Variants in LRP1B observed in about 807,000 individuals in gnomAD.
LRP1B encodes low-density lipoprotein receptor-related protein 1B.
In LRP1B, 217 loss-of-function variants were observed where a neutral mutation model predicts 556.6. That is an observed-to-expected ratio of 0.39 (90% CI 0.35 to 0.44). The LOEUF is 0.44. Ranked by LOEUF, LRP1B falls within the 20% of genes least tolerant of loss-of-function variation. LRP1B has a pLI of 1.00. For synonymous variants in LRP1B, 2,047 were observed against 1,865.8 expected, an observed-to-expected ratio of 1.10 and a Z score of -2.50; for missense variants, 5,053 against 5,620.8, an observed-to-expected ratio of 0.90 and a Z score of 3.23.
intron 7 of LRP1B, among the ~76,000 whole-genome samples, chr2:141,073,755 C>T (rs371900473): frequency 3.3e-5 from 5 of 152,188 alleles, no homozygotes; most frequent in Middle Eastern, 3.4e-3. Context: ...ATTCCAGAAA[C>T]GAAGGCATTC....
At chr2:140,776,057 A>G in intron 33 of LRP1B, 41 bp downstream of exon 33, 1 of 1,449,110 alleles carries the variant, frequency 6.9e-7, no homozygotes, top group East Asian at 2.6e-5. Context: ...AGAGCACATT[A>G]CGTATTCAAG....
At position 141,775,907 on chromosome 2, in the gene LRP1B, A is replaced by T. The variant is rs1476059122; in HGVS notation, c.205+34372T>A. ...ACCCAGGCTGGAGTGCAGTGGCGCA[A>T]TCTTGGCTCACTGCAAGCTCCGCCT... is the stretch of plus-strand genomic sequence containing the variant. On this transcript the variant is annotated intron_variant, in intron 2 of 90. Coordinates refer to ENST00000389484, the MANE Select transcript of LRP1B (RefSeq NM_018557.3). Among the ~76,000 whole-genome samples the T allele has an allele frequency of 2.0e-5, 3 of 150,308 alleles. No homozygotes were observed. The East Asian group carries it at 5.9e-4, about 29-fold the overall frequency.
At chr2:141,328,519 C>G (rs1687515086) in intron 3 of LRP1B, among the ~76,000 whole-genome samples, 1 of 152,186 alleles carries the variant, frequency 6.6e-6, no homozygotes, top group Non-Finnish European at 1.5e-5. Flanking sequence ...CTGTGCTAGA[C>G]CCAAGATATA....
rs1028301309 is a variant in LRP1B, at chr2:140,544,710, A to G, written c.7195-2739T>C. On this transcript the variant is annotated intron_variant, in intron 43 of 90. Coordinates refer to ENST00000389484, the MANE Select transcript of LRP1B (RefSeq NM_018557.3). ...GGTATAAATACAGCACATCTTCTTT[A>G]CCCAGTCTACCATTGATGGGCATTA... Among the ~76,000 whole-genome samples the G allele has an allele frequency of 2.6e-5, 4 of 152,038 alleles. No homozygotes were observed. The East Asian group carries it at 7.7e-4, about 29-fold the overall frequency.
intron 3 of LRP1B, among the ~76,000 whole-genome samples, chr2:141,257,512 G>A (rs1450576481): frequency 6.6e-6 from 1 of 152,150 alleles, no homozygotes; most frequent in Non-Finnish European, 1.5e-5. Context: ...TGAAAAGAGG[G>A]GGTTAGTGAT....
intron 66 of LRP1B, among the ~76,000 whole-genome samples, chr2:140,414,479 T>G (rs563393308): frequency 3.9e-5 from 6 of 152,160 alleles, no homozygotes; most frequent in Non-Finnish European, 8.8e-5. Context: ...TAATAGTGAT[T>G]TACCTAATAA....
intron 35 of LRP1B, among the ~76,000 whole-genome samples, chr2:140,743,985 A>G (rs1414495593): frequency 6.7e-5 from 2 of 29,716 alleles, no homozygotes; most frequent in African/African-American, 1.5e-4. Context: ...AAAAAAAAAA[A>G]AAAAAAGTAA....
Position 141,623,176 on chromosome 2 carries a change from T to TAA in LRP1B, c.206-142645_206-142644dup, listed in dbSNP as rs5834853. Among the ~76,000 whole-genome samples, 130 of 151,730 alleles carry TAA rather than the reference T, an allele frequency of 8.6e-4. 1 individual carries two copies. Among genetic ancestry groups the TAA allele is most frequent in the African/African-American group, 3.0e-3 (125 of 41,278 alleles). ...TCTTCAAAGCTGTGATCACTTAATT[T>TAA]AAAAAAAAATCACTTTTAAAGAAAA... On this transcript the variant is annotated intron_variant, in intron 2 of 90. Coordinates refer to ENST00000389484, the MANE Select transcript of LRP1B (RefSeq NM_018557.3).
At chr2:141,773,023 T>C (rs1300323788) in intron 2 of LRP1B, among the ~76,000 whole-genome samples, 1 of 152,092 alleles carries the variant, frequency 6.6e-6, no homozygotes. Context: ...TCTAACTGGG[T>C]GGGGGTAATA....
chr2:141,288,279 G>C (rs1685801432), intron 3 of LRP1B, among the ~76,000 whole-genome samples: 1 of 148,212 alleles, frequency 6.7e-6, no homozygotes, highest in Non-Finnish European at 1.5e-5. Flanking sequence ...TGTATTTTAT[G>C]GAAACTAAAA....
intron 1 of LRP1B, among the ~76,000 whole-genome samples, chr2:142,117,843 C>T (rs1299316977): frequency 6.6e-6 from 1 of 152,152 alleles, no homozygotes; most frequent in Non-Finnish European, 1.5e-5. Context: ...ATTTACAAGT[C>T]ACCCACATCA....
intron 83 of LRP1B, 135 bp from the exon 84 acceptor site, chr2:140,298,104 G>A: frequency 1.5e-6 from 1 of 678,940 alleles, no homozygotes; most frequent in Non-Finnish European, 2.3e-6. Context: ...TGTGACTTTA[G>A]GCAGTAACAA....
chr2:140,854,060 T>TAA (rs33945219), intron 27 of LRP1B, among the ~76,000 whole-genome samples: 18 of 108,828 alleles, frequency 1.7e-4, no homozygotes, highest in African/African-American at 5.6e-4. Context: ...CATATCTGAA[T>TAA]AAAAAAAAAA....
rs190191062 is a variant in LRP1B, at chr2:141,175,589, C to T, written c.1013+12832G>A. ...TTAGATTTCAGTGGATGTATGAAAA[C>T]GTTTGGATGTCCAGGCAGAAGTCTG... On this transcript the variant is annotated intron_variant, in intron 7 of 90. Transcript: ENST00000389484. 3.5e-4 allele frequency among the ~76,000 whole-genome samples: 54 copies of T among 152,200 alleles called. 1 individual carries two copies. The East Asian group carries it at 7.6e-3, about 21-fold the overall frequency.
At chr2:141,001,460 T>C (rs1697421442) in intron 15 of LRP1B, among the ~76,000 whole-genome samples, 1 of 152,076 alleles carries the variant, frequency 6.6e-6, no homozygotes, top group Admixed American at 6.6e-5. Flanking sequence ...CCTAATGCTA[T>C]CCCTCCTCCG....
chr2:141,570,513 T>G (rs1437947652), intron 2 of LRP1B, among the ~76,000 whole-genome samples: 2 of 151,370 alleles, frequency 1.3e-5, no homozygotes, highest in African/African-American at 4.8e-5. Context: ...GGAATCTGCT[T>G]AAGCCTACTG....
At chr2:140,947,341 G>C (rs527831071) in intron 20 of LRP1B, among the ~76,000 whole-genome samples, 15 of 152,128 alleles carry the variant, frequency 9.9e-5, no homozygotes, top group Non-Finnish European at 1.8e-4. Flanking sequence ...CTACCCTTTT[G>C]AAAACAATTT....
chr2:141,739,474 G>A (rs1197776512), intron 2 of LRP1B, among the ~76,000 whole-genome samples: 1 of 152,034 alleles, frequency 6.6e-6, no homozygotes, highest in African/African-American at 2.4e-5. Flanking sequence ...AGACAGTGTC[G>A]TGCAGGGAGT....
chr2:141,878,969 C>T (rs1698864805), intron 1 of LRP1B, among the ~76,000 whole-genome samples: 1 of 151,962 alleles, frequency 6.6e-6, no homozygotes, highest in African/African-American at 2.4e-5. Context: ...ATAAACCTTA[C>T]TATTTTTGAG....
Sources: gnomAD v4.1 joint callset for allele counts (sites outside exome capture counted in the v4.1 genomes callset) on GRCh38, gnomAD v4.1.1 for gene constraint, MANE v1.5 for transcripts, NCBI Gene and HGNC (gene_info 2026-07-23, HGNC 2026-07-21) for gene names.